ARHGAP15: variants seen among roughly 807,000 people sequenced by gnomAD.
ARHGAP15 encodes the protein rho GTPase-activating protein 15.
ARHGAP15 carries 51 observed loss-of-function variants against 63.7 expected under a neutral mutation model. That is an observed-to-expected ratio of 0.80 (90% CI 0.64 to 1.01). The LOEUF is 1.01. Among genes scored for constraint, ARHGAP15 ranks in the 50% least tolerant of loss-of-function variants. The pLI is 0.00. For synonymous variants in ARHGAP15, 191 were observed against 193.8 expected (o/e 0.99, Z 0.12); for missense variants, 560 against 564.6 (o/e 0.99, Z 0.08).
At chr2:143,173,064 T>C (rs1301235099) in intron 2 of ARHGAP15, among the ~76,000 whole-genome samples, 2 of 151,928 alleles carry the variant, frequency 1.3e-5, no homozygotes, top group Admixed American at 6.6e-5. Flanking sequence ...CCAAGAAGAC[T>C]CAAATAAAAA....
chr2:143,603,490 T>G (rs764752134), intron 11 of ARHGAP15, among the ~76,000 whole-genome samples: 4 of 152,126 alleles, frequency 2.6e-5, no homozygotes, highest in Non-Finnish European at 4.4e-5. Flanking sequence ...TTTTGTATTG[T>G]TGTTTGACTT....
At chr2:143,617,518 C>T (rs1698495214) in intron 11 of ARHGAP15, among the ~76,000 whole-genome samples, 1 of 152,112 alleles carries the variant, frequency 6.6e-6, no homozygotes, top group Non-Finnish European at 1.5e-5. Flanking sequence ...TCTGTGTGCA[C>T]CCTAATCTGT....
chr2:143,160,362 T>C (rs1190277644), intron 2 of ARHGAP15, among the ~76,000 whole-genome samples: 1 of 151,954 alleles, frequency 6.6e-6, no homozygotes, highest in Non-Finnish European at 1.5e-5. Flanking sequence ...CTATTGTGGA[T>C]GACATTTGTA....
At chr2:143,244,708 A>G (rs1214055562) in intron 5 of ARHGAP15, among the ~76,000 whole-genome samples, 1 of 152,184 alleles carries the variant, frequency 6.6e-6, no homozygotes, top group African/African-American at 2.4e-5. Flanking sequence ...TAAATTTTCC[A>G]TAATAAACAA....
intron 6 of ARHGAP15, among the ~76,000 whole-genome samples, chr2:143,327,673 A>G (rs1407847462): frequency 1.3e-5 from 2 of 152,184 alleles, no homozygotes; most frequent in Non-Finnish European, 1.5e-5. Context: ...AACCTAGGCA[A>G]TACCATGCAG....
chr2:143,421,704 A>G (rs1350156307), intron 6 of ARHGAP15, among the ~76,000 whole-genome samples: 1 of 151,716 alleles, frequency 6.6e-6, no homozygotes, highest in Non-Finnish European at 1.5e-5. Context: ...GTATTATTAA[A>G]TAAAACTTTT....
chr2:143,253,287 AAAAC>A (rs879699196), intron 6 of ARHGAP15, among the ~76,000 whole-genome samples: 30 of 152,160 alleles, frequency 2.0e-4, no homozygotes, highest in African/African-American at 6.0e-4. Context: ...AATGAATAGG[AAAAC>A]AAACAAAAAA....
At chr2:143,426,954 T>A (rs1689160868) in intron 6 of ARHGAP15, among the ~76,000 whole-genome samples, 4 of 152,222 alleles carry the variant, frequency 2.6e-5, no homozygotes. Context: ...AGTTGAATTG[T>A]CTTGAGCCGG....
In ARHGAP15 at chr2:143,439,194, G is replaced by A. The variant is rs893044421; in HGVS notation, c.703+2152G>A. The stretch of plus-strand genomic sequence containing the variant: ...TCCCAGCACTTTGGGAGGCCAAGGC[G>A]GGTGGATCACCTGAGGTCAGGAGTT... On this transcript the variant is annotated intron_variant, in intron 8 of 13. Transcript: ENST00000295095. Among the ~76,000 whole-genome samples, 12 of 151,422 alleles carry A rather than the reference G, an allele frequency of 7.9e-5. No homozygotes were observed. In the South Asian group the frequency reaches 8.4e-4, roughly 11 times the overall value.
intron 2 of ARHGAP15, among the ~76,000 whole-genome samples, chr2:143,176,632 A>G (rs920846216): frequency 2.0e-5 from 3 of 152,168 alleles, no homozygotes; most frequent in Non-Finnish European, 4.4e-5. Flanking sequence ...TAGAAACCCC[A>G]TTTGAACTAG....
chr2:143,346,087 G>A (rs1278939107), intron 6 of ARHGAP15, among the ~76,000 whole-genome samples: 4 of 151,934 alleles, frequency 2.6e-5, no homozygotes, highest in South Asian at 4.2e-4. Flanking sequence ...CTTTAACCAA[G>A]CTGCATTTTT....
intron 10 of ARHGAP15, among the ~76,000 whole-genome samples, chr2:143,538,645 T>A (rs1284848149): frequency 6.6e-6 from 1 of 152,212 alleles, no homozygotes; most frequent in Non-Finnish European, 1.5e-5. Flanking sequence ...AATCATGTGG[T>A]TTTTGTCTTT....
At chr2:143,497,633 G>C (rs1169911056) in intron 9 of ARHGAP15, among the ~76,000 whole-genome samples, 1 of 152,096 alleles carries the variant, frequency 6.6e-6, no homozygotes, top group African/African-American at 2.4e-5. Flanking sequence ...AGCCAGTGCT[G>C]GATGCTGCTT....
At chr2:143,299,345 G>T (rs1682792785) in intron 6 of ARHGAP15, among the ~76,000 whole-genome samples, 1 of 151,842 alleles carries the variant, frequency 6.6e-6, no homozygotes, top group Non-Finnish European at 1.5e-5. Flanking sequence ...TCCTTTTTAA[G>T]CATCAAGAGA....
chr2:143,691,619 A>T (rs1467932979), intron 12 of ARHGAP15, among the ~76,000 whole-genome samples: 1 of 152,146 alleles, frequency 6.6e-6, no homozygotes, highest in Non-Finnish European at 1.5e-5. Context: ...TTCTGCTATT[A>T]ATTCCACTCC....
At chr2:143,350,275 G>A (rs1685499387) in intron 6 of ARHGAP15, among the ~76,000 whole-genome samples, 1 of 152,030 alleles carries the variant, frequency 6.6e-6, no homozygotes, top group Admixed American at 6.6e-5. Flanking sequence ...CCTCCTGTAT[G>A]TATTCTAACT....
intron 2 of ARHGAP15, among the ~76,000 whole-genome samples, chr2:143,157,143 T>G (rs1021677323): frequency 2.0e-5 from 3 of 151,922 alleles, no homozygotes; most frequent in Non-Finnish European, 4.4e-5. Context: ...ATTATCCACC[T>G]CAATAGCCTG....
At chr2:143,561,088 A>G (rs1004906426) in intron 11 of ARHGAP15, among the ~76,000 whole-genome samples, 4 of 152,198 alleles carry the variant, frequency 2.6e-5, no homozygotes, top group African/African-American at 7.2e-5. Flanking sequence ...TGCAAATGAC[A>G]GACTTCAGCA....
intron 11 of ARHGAP15, among the ~76,000 whole-genome samples, chr2:143,616,939 C>T (rs1257408429): frequency 6.6e-6 from 1 of 152,144 alleles, no homozygotes; most frequent in African/African-American, 2.4e-5. Context: ...TCTAGTAGTA[C>T]TTAGAGTCTC....
Sources: gnomAD v4.1 joint callset for allele counts (sites outside exome capture counted in the v4.1 genomes callset) on GRCh38, gnomAD v4.1.1 for gene constraint, MANE v1.5 for transcripts, NCBI Gene and HGNC (gene_info 2026-07-23, HGNC 2026-07-21) for gene names.